The following POLR2F variants were observed in gnomAD, a reference collection of about 807,000 sequenced individuals.
POLR2F encodes DNA-directed RNA polymerases I, II, and III subunit RPABC2.
Under a neutral mutation model 22.7 loss-of-function variants are expected in POLR2F, and 12 were observed. The ratio of observed to expected loss-of-function variants is 0.53; its 90% confidence interval spans 0.34 to 0.86. The LOEUF (loss-of-function observed/expected upper bound fraction) is 0.86. POLR2F is among the 40% of genes least tolerant of loss of function. POLR2F has a pLI of 0.02. For synonymous variants in POLR2F, 57 were observed against 66.0 expected (o/e 0.86, Z 0.66); for missense variants, 126 against 171.5 (o/e 0.73, Z 1.48).
At chr22:38,023,782 C>T (rs1341226076) in intron 1 of POLR2F, among the ~76,000 whole-genome samples, 1 of 152,122 alleles carries the variant, frequency 6.6e-6, no homozygotes, top group East Asian at 1.9e-4. Context: ...AAGTGATTCC[C>T]CTGCCTCAGC....
chr22:37,984,700 C>T (rs889290141), upstream of POLR2F, among the ~76,000 whole-genome samples: 6 of 152,198 alleles, frequency 3.9e-5, no homozygotes, highest in African/African-American at 9.7e-5. This position sits in a 1 kb window ranked among gnomAD's most constrained non-coding sequence, Gnocchi z 4.4. Context: ...GCCCAGGCCC[C>T]CCCACCCAGC....
chr22:38,019,860 C>G (rs1406238789), intron 1 of POLR2F, among the ~76,000 whole-genome samples: 1 of 152,070 alleles, frequency 6.6e-6, no homozygotes, highest in Non-Finnish European at 1.5e-5. Context: ...ACTAAAAATA[C>G]AAAATTAGTG....
In POLR2F at chr22:37,977,991, G is replaced by A. The variant is rs369439585; in HGVS notation, c.293+10821G>A. 123 of 1,611,690 alleles carry A rather than the reference G, an allele frequency of 7.6e-5. No individual in the cohort carries two copies. The highest frequency in any genetic ancestry group is 6.9e-4 in the East Asian group (31 of 44,888). ...TCCCACCTTGCTCGGCCTCCCCACC[G>A]GGGCACTCCGCCTCGCCCTGGGCGG... On this transcript the variant is annotated intron_variant, in intron 4 of 4. Coordinates refer to the POLR2F transcript ENST00000405557.
intron 1 of POLR2F, among the ~76,000 whole-genome samples, chr22:38,023,729 G>A (rs2084980786): frequency 1.3e-5 from 2 of 152,012 alleles, no homozygotes; most frequent in South Asian, 2.1e-4. Flanking sequence ...CTGGAGTGCA[G>A]TGGCACGATC....
chr22:38,015,877 G>A (rs2084911385), intron 1 of POLR2F, among the ~76,000 whole-genome samples: 2 of 152,188 alleles, frequency 1.3e-5, no homozygotes, highest in African/African-American at 4.8e-5. Flanking sequence ...TGATGGAGCA[G>A]TGGGAAAGGA....
chr22:38,004,179 G>C (rs533208890), intron 1 of POLR2F, among the ~76,000 whole-genome samples: 6 of 12,690 alleles, frequency 4.7e-4, no homozygotes, highest in African/African-American at 2.9e-3. Context: ...GTAGAGATGT[G>C]GGGGGGGTCT....
intron 5 of POLR2F, among the ~76,000 whole-genome samples, chr22:38,033,663 T>C (rs2085087420): frequency 6.6e-6 from 1 of 152,134 alleles, no homozygotes; most frequent in Non-Finnish European, 1.5e-5. Context: ...AGGGACTGGG[T>C]GGCGGATTTG....
downstream of POLR2F, among the ~76,000 whole-genome samples, chr22:38,029,329 G>A (rs1027114388): frequency 1.3e-5 from 2 of 152,180 alleles, no homozygotes; most frequent in Non-Finnish European, 2.9e-5. Flanking sequence ...TGACAGTGAT[G>A]GAGTCATTTC....
At chr22:38,025,659 C>T in intron 1 of POLR2F, 2 of 1,563,176 alleles carry the variant, frequency 1.3e-6, no homozygotes, top group East Asian at 4.5e-5. Context: ...AGCATCTCCT[C>T]CCGCTGACTT....
At chr22:38,007,608 G>C (rs1393689556) in intron 1 of POLR2F, among the ~76,000 whole-genome samples, 5 of 152,192 alleles carry the variant, frequency 3.3e-5, no homozygotes, top group Non-Finnish European at 7.3e-5. Context: ...GCCTCCCAGG[G>C]CTTCTGGTGG....
intron 1 of POLR2F, among the ~76,000 whole-genome samples, chr22:37,989,147 C>T (rs1464578530): frequency 1.2e-4 from 19 of 152,198 alleles, no homozygotes; most frequent in Non-Finnish European, 2.6e-4. Flanking sequence ...AATCCTGCCA[C>T]TAGTACCCAA....
In POLR2F at chr22:37,967,710, G is replaced by T. The variant is rs781268520; in HGVS notation, c.379G>T (p.Asp127Tyr). ...GGGGGTGGACGAGCTCATCATCACCGACTGAGCTGGAGTCATCTTCCTGCC... is the reference window on the plus strand; with the variant it reads ...GGGGGTGGACGAGCTCATCATCACCTACTGAGCTGGAGTCATCTTCCTGCC... ...DWGVDELIIT[D>Y] The change falls in exon 5 of 5, where the codon GAC becomes TAC. Residue 127 changes from aspartate to tyrosine, a missense_variant. Asp to Tyr is a radical substitution (Grantham distance 160). Transcript: ENST00000442738. The T allele has an allele frequency of 6.2e-7, 1 of 1,612,986 alleles. No homozygotes were observed. Among genetic ancestry groups the T allele is most frequent in the Non-Finnish European group, 8.5e-7 (1 of 1,179,560 alleles).
chr22:38,010,714 T>A (rs2145809450), intron 1 of POLR2F, among the ~76,000 whole-genome samples: 1 of 148,844 alleles, frequency 6.7e-6, no homozygotes, highest in South Asian at 2.2e-4. Context: ...CCTCCCAGGT[T>A]CAAGCAATTC....
intron 2 of POLR2F, among the ~76,000 whole-genome samples, chr22:37,958,187 C>CTTTTTT (rs555979060): frequency 7.5e-6 from 1 of 133,300 alleles, no homozygotes; most frequent in African/African-American, 2.8e-5. Context: ...TCAGAGTCAA[C>CTTTTTT]TTTTTTTTTT....
rs147610006 is a variant in POLR2F, at chr22:38,037,248, C to CTTATGTTATGTTATGTTATG, written c.453-3808_453-3789dup. Among the ~76,000 whole-genome samples, 712 of 149,508 alleles carry CTTATGTTATGTTATGTTATG rather than the reference C, an allele frequency of 4.8e-3. 6 individuals are homozygous for CTTATGTTATGTTATGTTATG. The highest frequency in any genetic ancestry group is 0.017 in the African/African-American group (686 of 40,486). On this transcript the variant is annotated intron_variant, in intron 5 of 5. Coordinates refer to the POLR2F transcript ENST00000407936. ...CCTTTTTATTCTGCTAATGAGCAAC[C>CTTATGTTATGTTATGTTATG]TTATGTTATGTTATGTTATGTTATG...
intron 1 of POLR2F, among the ~76,000 whole-genome samples, chr22:37,992,157 G>A (rs902677479): frequency 2.6e-5 from 4 of 152,282 alleles, no homozygotes; most frequent in African/African-American, 7.2e-5. Context: ...TTTGAATCCT[G>A]ACACCTCCAT....
chr22:38,018,672 T>C (rs2145817912), intron 1 of POLR2F, among the ~76,000 whole-genome samples: 1 of 152,270 alleles, frequency 6.6e-6, no homozygotes, highest in Middle Eastern at 3.4e-3. Context: ...AGTTTTTGCA[T>C]CTTCTCCCTG....
At chr22:38,003,040 A>C (rs1258442002) in intron 1 of POLR2F, among the ~76,000 whole-genome samples, 1 of 151,942 alleles carries the variant, frequency 6.6e-6, no homozygotes, top group Non-Finnish European at 1.5e-5. Flanking sequence ...TTGAGTCTTG[A>C]CGTAAAGGGA....
intron 4 of POLR2F, among the ~76,000 whole-genome samples, chr22:37,976,430 G>A (rs540372736): frequency 9.2e-5 from 14 of 152,246 alleles, no homozygotes; most frequent in African/African-American, 3.4e-4. Context: ...GGCCCCTGAG[G>A]CCAGGGACTG....
Sources: allele counts gnomAD v4.1 joint callset (sites outside exome capture counted in the v4.1 genomes callset), GRCh38; gene constraint gnomAD v4.1.1; non-coding constraint Gnocchi (gnomAD v3.1); transcripts MANE v1.5; gene names NCBI Gene and HGNC (gene_info 2026-07-23, HGNC 2026-07-21).